HIVEP3: variants seen among roughly 807,000 people sequenced by gnomAD.
HIVEP3 encodes the protein transcription factor HIVEP3.
In HIVEP3, 49 loss-of-function variants were observed where a neutral mutation model predicts 152.8. The ratio of observed to expected loss-of-function variants is 0.32; its 90% CI spans 0.26 to 0.41. The LOEUF is 0.41. HIVEP3 is among the 10% of genes least tolerant of loss of function. The probability of loss-of-function intolerance (pLI) is 1.00; values close to 1 mark genes in which losing one functional copy is unlikely to be tolerated. For synonymous variants in HIVEP3, 1,269 were observed against 1,289.0 expected (o/e 0.98, Z 0.33); for missense variants, 2,790 against 3,103.3 (o/e 0.90, Z 2.40).
rs930123091 is a variant in HIVEP3, at chr1:41,989,766, A to G, written n.119+46041T>C. 6.6e-5 allele frequency among the ~76,000 whole-genome samples: 10 copies of G among 150,992 alleles called. No homozygotes were observed. The East Asian group carries it at 1.9e-3, about 29-fold the overall frequency. ...CAACCCCTGCCTTTTTTTGTTTTCC[A>G]TTTGCTTGGTAGATCTTCCTCCATC... On this transcript the variant is annotated intron_variant and non_coding_transcript_variant, in intron 1 of 3. Coordinates refer to the HIVEP3 transcript ENST00000489103.
At chr1:41,541,311 A>G (rs1643525981) in intron 5 of HIVEP3, among the ~76,000 whole-genome samples, 1 of 152,238 alleles carries the variant, frequency 6.6e-6, no homozygotes, top group African/African-American at 2.4e-5. Context: ...CTCTATGGAA[A>G]TGTGACTTTC....
At chr1:41,871,070 G>A (rs1235314637) in intron 1 of HIVEP3, among the ~76,000 whole-genome samples, 8 of 152,172 alleles carry the variant, frequency 5.3e-5, no homozygotes, top group Admixed American at 5.2e-4. Flanking sequence ...GAACAAGATG[G>A]GTTAAAACCA....
intron 1 of HIVEP3, among the ~76,000 whole-genome samples, chr1:41,741,282 T>C (rs1258639290): frequency 6.6e-6 from 1 of 152,174 alleles, no homozygotes; most frequent in Non-Finnish European, 1.5e-5. Context: ...TTAGCTAGAA[T>C]GTGTTAGCAC....
At chr1:41,526,996 C>T in intron 5 of HIVEP3, among the ~76,000 whole-genome samples, 1 of 123,460 alleles carries the variant, frequency 8.1e-6, no homozygotes, top group Admixed American at 8.2e-5. Context: ...CACACCCCTG[C>T]ACTCACACTC....
At chr1:41,575,336 C>T (rs1644310147) in intron 5 of HIVEP3, among the ~76,000 whole-genome samples, 1 of 152,148 alleles carries the variant, frequency 6.6e-6, no homozygotes. Context: ...CCAGCATCAC[C>T]CATCCCCACC....
At position 41,533,988 on chromosome 1, in the gene HIVEP3, A is replaced by G. The variant is rs1017113977; in HGVS notation, c.5208-9078T>C. Among the ~76,000 whole-genome samples, 2 of 151,968 alleles carry G rather than the reference A, an allele frequency of 1.3e-5. No individual in the cohort carries two copies. The highest frequency in any genetic ancestry group is 4.1e-4 in the South Asian group (2 of 4,822). On this transcript the variant is annotated intron_variant, in intron 5 of 8. Coordinates refer to ENST00000372583, the MANE Select transcript of HIVEP3 (RefSeq NM_024503.5). This position sits in a 1 kb window ranked among gnomAD's most constrained non-coding sequence, Gnocchi z 4.3. ...CTGCACTCGTGTGGCTGGCCAGCCC[A>G]CAGGCTGGGCTTCATCCTTGATGGC...
intron 2 of HIVEP3, among the ~76,000 whole-genome samples, chr1:41,647,551 A>G (rs562836812): frequency 3.3e-5 from 5 of 152,278 alleles, no homozygotes; most frequent in Admixed American, 2.6e-4. Context: ...CACTCTCCCC[A>G]TCATAGTATG....
chr1:41,621,132 C>T (rs752183573), intron 3 of HIVEP3, among the ~76,000 whole-genome samples: 26 of 152,338 alleles, frequency 1.7e-4, no homozygotes, highest in Middle Eastern at 3.4e-3. Flanking sequence ...AGGCATCACC[C>T]GGCTTCCTAC....
chr1:41,704,805 G>T (rs949019041), intron 1 of HIVEP3, among the ~76,000 whole-genome samples: 9 of 152,210 alleles, frequency 5.9e-5, no homozygotes, highest in Admixed American at 2.0e-4. Context: ...ACCATAGAGA[G>T]GGAAAGGCAT....
rs1644905743 is a variant in HIVEP3 at position 41,918,268 on chromosome 1, AC to A, written c.-801+144del. 1 of 153,966 alleles carries A rather than the reference AC, an allele frequency of 6.5e-6. No homozygotes were observed. The highest frequency in any genetic ancestry group is 1.5e-5 in the Non-Finnish European group (1 of 68,848). 9.5% of individuals were successfully genotyped at this position (153,966 alleles called of 1,614,324 possible). ...CCGGCCCCTGCGTCTCGGCAGCCGG[AC>A]ACCTTGCCTAAGAAAGGCATACACA... is the stretch of plus-strand genomic sequence containing the variant. On this transcript the variant is annotated intron_variant, in intron 1 of 8. Coordinates refer to ENST00000372583, the MANE Select transcript of HIVEP3 (RefSeq NM_024503.5). The surrounding 1 kb of genome is among the most constrained non-coding windows in gnomAD (Gnocchi z 4.3).
intron 1 of HIVEP3, among the ~76,000 whole-genome samples, chr1:41,985,829 G>A (rs990442614): frequency 1.3e-5 from 2 of 152,112 alleles, no homozygotes; most frequent in Non-Finnish European, 2.9e-5. Context: ...ATGTCTAGTT[G>A]GCTATGGAGT....
chr1:41,538,176 C>T (rs1643444806), intron 5 of HIVEP3, among the ~76,000 whole-genome samples: 1 of 152,116 alleles, frequency 6.6e-6, no homozygotes, highest in Admixed American at 6.5e-5. Context: ...TTTTTGGGTG[C>T]ACAGGGTCAG....
At chr1:41,719,377 G>A (rs143027992) in intron 1 of HIVEP3, among the ~76,000 whole-genome samples, 126 of 152,334 alleles carry the variant, frequency 8.3e-4, no homozygotes, top group African/African-American at 2.9e-3. Flanking sequence ...TTTGCCTTTA[G>A]TTCTCGCCTT....
Position 41,582,520 on chromosome 1 carries a change from G to C in HIVEP3, c.2278C>G (p.Pro760Ala). The change falls in exon 4 of 9, where the codon CCA (proline) becomes GCA (alanine). Residue 760 changes from proline (P) to alanine (A), a missense_variant. By Grantham distance (27) the Pro-to-Ala change is conservative (BLOSUM62 -1). Around this residue, in one of 9 missense-constraint regions of HIVEP3, gnomAD observed 339 missense variants for 327.0 expected, o/e 1.04. Transcript: ENST00000372583. This position sits in a 1 kb window ranked among gnomAD's most constrained non-coding sequence, Gnocchi z 4.7. The stretch of plus-strand genomic sequence containing the variant: ...TCCAAGGAGGGCACTGATTTACTTG[G>C]TTCTGCTGGTGACTTGGTGGACTCC... ...PLESTKSPAE[P>A]SKSVPSLEGP... 1 of 1,611,688 alleles carries C rather than the reference G, an allele frequency of 6.2e-7. No homozygotes were observed. Among genetic ancestry groups the C allele is most frequent in the Non-Finnish European group, 8.5e-7 (1 of 1,178,476 alleles).
chr1:41,777,964 C>A (rs1038385065), intron 1 of HIVEP3, among the ~76,000 whole-genome samples: 2 of 152,232 alleles, frequency 1.3e-5, no homozygotes, highest in Non-Finnish European at 2.9e-5. Context: ...GTCACACTTT[C>A]AACAAATCTA....
At chr1:41,567,808 C>A (rs1446590264) in intron 5 of HIVEP3, among the ~76,000 whole-genome samples, 1 of 152,246 alleles carries the variant, frequency 6.6e-6, no homozygotes, top group Non-Finnish European at 1.5e-5. Context: ...TGGCTCCCAA[C>A]CCCAGAGCCT....
intron 1 of HIVEP3, among the ~76,000 whole-genome samples, chr1:41,891,332 T>G (rs2764834): frequency 0.24 from 36,133 of 152,088 alleles, 4,382 homozygotes; most frequent in South Asian, 0.31. Context: ...TCTACTCACA[T>G]AAGACAGTTT....
intron 3 of HIVEP3, among the ~76,000 whole-genome samples, chr1:41,592,840 C>A (rs1245677111): frequency 6.6e-6 from 1 of 152,198 alleles, no homozygotes; most frequent in Non-Finnish European, 1.5e-5. Context: ...GGGTTCTGTG[C>A]AGAGAAAACT....
At position 41,582,850 on chromosome 1, in the gene HIVEP3, C is replaced by T. The variant is rs145175364; in HGVS notation, c.1948G>A (p.Ala650Thr). The T allele has an allele frequency of 8.1e-6, 13 of 1,614,038 alleles. No individual in the cohort carries two copies. Among genetic ancestry groups the T allele is most frequent in the Non-Finnish European group, 1.0e-5 (12 of 1,180,026 alleles). ...GVIYECNICG[A>T]RYKKRDNYEA... The stretch of plus-strand genomic sequence containing the variant: ...TAGTTATCCCTTTTCTTGTACCGAG[C>T]ACCACATATGTTACATTCGTAGATC... Residue 650 changes from alanine to threonine, a missense_variant, in exon 4 of 9, where the codon GCT (alanine) becomes ACT (threonine). Physicochemically the swap from Ala to Thr is moderately conservative, Grantham distance 58 (BLOSUM62 0). Coordinates refer to ENST00000372583, the MANE Select transcript of HIVEP3 (RefSeq NM_024503.5). This position sits in a 1 kb window ranked among gnomAD's most constrained non-coding sequence, Gnocchi z 4.7.
Sources: allele counts gnomAD v4.1 joint callset (sites outside exome capture counted in the v4.1 genomes callset), GRCh38; gene constraint gnomAD v4.1.1; regional missense constraint gnomAD v4.1.1; non-coding constraint Gnocchi (gnomAD v3.1); transcripts MANE v1.5; gene names NCBI Gene and HGNC (gene_info 2026-07-23, HGNC 2026-07-21).